BAZ1A: variants seen among roughly 807,000 people sequenced by gnomAD.
The protein encoded by BAZ1A is bromodomain adjacent to zinc finger domain protein 1A.
A neutral mutation model predicts 185.2 loss-of-function variants in BAZ1A; 50 were observed. That is an observed-to-expected ratio of 0.27 (90% CI 0.22 to 0.34). The LOEUF (loss-of-function observed/expected upper bound fraction) is 0.34. Among genes scored for constraint, BAZ1A ranks in the 10% least tolerant of loss-of-function variants. The probability of loss-of-function intolerance (pLI) is 1.00; values close to 1 mark genes in which losing one functional copy is unlikely to be tolerated. For missense variants in BAZ1A, 1,356 were observed against 1,839.9 expected (o/e 0.74, Z 4.81); for synonymous variants, 571 against 615.6 (o/e 0.93, Z 1.07).
At chr14:34,828,981 T>C (rs1043589654) in intron 3 of BAZ1A, among the ~76,000 whole-genome samples, 2 of 152,284 alleles carry the variant, frequency 1.3e-5, no homozygotes, top group African/African-American at 4.8e-5. Flanking sequence ...ATTTTGCTTC[T>C]TGTAAAGACC....
chr14:34,862,776 T>C (rs1431816090), intron 2 of BAZ1A, among the ~76,000 whole-genome samples: 1 of 121,726 alleles, frequency 8.2e-6, no homozygotes, highest in African/African-American at 2.8e-5. Context: ...ATGATCTCAT[T>C]TGTGTTATAA....
chr14:34,774,959 A>C (rs1332927789), intron 18 of BAZ1A, among the ~76,000 whole-genome samples: 3 of 152,238 alleles, frequency 2.0e-5, no homozygotes, highest in Admixed American at 2.0e-4. Context: ...TCATGCCTGT[A>C]ATCCCAGCAC....
chr14:34,784,744 T>A (rs1191502369), intron 14 of BAZ1A, among the ~76,000 whole-genome samples: 3 of 152,042 alleles, frequency 2.0e-5, no homozygotes, highest in Non-Finnish European at 4.4e-5. Flanking sequence ...GGTCTCGATC[T>A]CCTGACCTTC....
intron 21 of BAZ1A, among the ~76,000 whole-genome samples, chr14:34,770,449 A>C (rs1330836045): frequency 1.3e-5 from 2 of 152,212 alleles, no homozygotes; most frequent in African/African-American, 2.4e-5. Context: ...CACCACCCCC[A>C]GCTAAAACAA....
In BAZ1A at chr14:34,862,309, G is replaced by A; in HGVS notation, c.127C>T (p.Arg43Ter). The A allele has an allele frequency of 6.3e-7, 1 of 1,588,970 alleles. No individual in the cohort carries two copies. The highest frequency in any genetic ancestry group is 8.6e-7 in the Non-Finnish European group (1 of 1,169,124). The change falls in exon 3 of 27, where the codon CGA becomes TGA. Residue 43 changes from arginine to a stop codon, truncating the protein, a stop_gained. Transcript: ENST00000360310. LOFTEE classifies it high-confidence loss of function. Reference sequence around the variant, plus strand: ...ACAAGGCTGTTGCACAGAATGGTTCGTTCAAAAAAGTCACTGATTAAAAAA... The same window carrying A: ...ACAAGGCTGTTGCACAGAATGGTTCATTCAAAAAAGTCACTGATTAAAAAA... Reference protein sequence around the residue: ...IFRHYDDFFERTILCNSLVWS... With the variant: ...IFRHYDDFFE
chr14:34,793,018 A>C, intron 11 of BAZ1A, 97 bp from the exon 12 acceptor site: 1 of 1,098,522 alleles, frequency 9.1e-7, no homozygotes, highest in Non-Finnish European at 1.3e-6. Context: ...TAGTATGTGC[A>C]ACTATTTTCT....
chr14:34,780,429 GAC>G (rs1879963006), intron 16 of BAZ1A, 119 bp from the exon 17 acceptor site: 12 of 1,007,820 alleles, frequency 1.2e-5, no homozygotes, highest in Non-Finnish European at 1.4e-5. Flanking sequence ...TGAACAACAT[GAC>G]ACAGTTTTGG....
chr14:34,754,933 A>G lies in BAZ1A; in HGVS notation c.4387-19T>C. On this transcript the variant is annotated intron_variant, in intron 25 of 26. Transcript: ENST00000360310. ...CTGGGACCTGTAAAATAATTCAAATATCTCTGTCCACACAGAAAACTTAAC... is the reference window on the plus strand; with the variant it reads ...CTGGGACCTGTAAAATAATTCAAATGTCTCTGTCCACACAGAAAACTTAAC... 1.9e-6 allele frequency: 3 copies of G among 1,548,290 alleles called. No homozygotes were observed. Among genetic ancestry groups the G allele is most frequent in the Non-Finnish European group, 2.6e-6 (3 of 1,143,692 alleles).
Position 34,764,951 on chromosome 14 carries a change from A to G in BAZ1A, c.3550-18T>C, listed in dbSNP as rs1594813845. 1 of 1,613,836 alleles carries G rather than the reference A, an allele frequency of 6.2e-7. No homozygotes were observed. Among genetic ancestry groups the G allele is most frequent in the East Asian group, 2.2e-5 (1 of 44,872 alleles). On this transcript the variant is annotated intron_variant, in intron 22 of 26. Coordinates refer to ENST00000360310, the MANE Select transcript of BAZ1A (RefSeq NM_013448.3). ...GGCACAGTCTGAAAAAATCACATAA[A>G]TGATCATTAATCATCTATTGCTCAA...
intron 12 of BAZ1A, among the ~76,000 whole-genome samples, chr14:34,788,979 A>T (rs1253920729): frequency 6.6e-6 from 1 of 152,190 alleles, no homozygotes; most frequent in Non-Finnish European, 1.5e-5. Flanking sequence ...CGACAATTTC[A>T]TGGCATTTAA....
intron 17 of BAZ1A, among the ~76,000 whole-genome samples, chr14:34,778,962 C>G (rs1368345770): frequency 2.6e-5 from 4 of 152,198 alleles, no homozygotes; most frequent in Non-Finnish European, 4.4e-5. Flanking sequence ...TCAAGTGACC[C>G]TCCCACCTTA....
chr14:34,814,376 C>A (rs1407114509), intron 4 of BAZ1A, among the ~76,000 whole-genome samples: 1 of 151,810 alleles, frequency 6.6e-6, no homozygotes. Flanking sequence ...AAATAATATA[C>A]TAACAGGAGA....
At chr14:34,855,872 C>T (rs956797826) in intron 3 of BAZ1A, among the ~76,000 whole-genome samples, 3 of 152,112 alleles carry the variant, frequency 2.0e-5, no homozygotes, top group African/African-American at 7.2e-5. Flanking sequence ...CACTGCACTC[C>T]AGCCTTAGTG....
Position 34,764,768 on chromosome 14 carries a change from C to T in BAZ1A, c.3715G>A (p.Glu1239Lys). Residue 1239 changes from glutamate to lysine, a missense_variant, in exon 23 of 27, where the codon GAG (glutamate) becomes AAG (lysine). By Grantham distance (56) the Glu-to-Lys change is moderately conservative. Around this residue, in one of 7 missense-constraint regions of BAZ1A, gnomAD observed 309 missense variants for 355.3 expected, o/e 0.87. Transcript: ENST00000360310. ...VDGDEEEGQS[E>K]EEEYEVEQDE... ...TGTTCTACCTCATACTCTTCCTCCT[C>T]ACTTTGACCTTCTTCTTCATCGCCA... 6.2e-7 allele frequency: 1 copy of T among 1,609,514 alleles called. No individual in the cohort carries two copies. Among genetic ancestry groups the T allele is most frequent in the Non-Finnish European group, 8.5e-7 (1 of 1,175,868 alleles).
intron 2 of BAZ1A, among the ~76,000 whole-genome samples, chr14:34,864,024 T>A (rs1471098547): frequency 1.3e-5 from 2 of 152,042 alleles, no homozygotes; most frequent in African/African-American, 4.8e-5. Context: ...GGTCTCACTA[T>A]GTTGCCCAGG....
intron 25 of BAZ1A, among the ~76,000 whole-genome samples, chr14:34,758,026 T>C (rs939571976): frequency 1.4e-4 from 20 of 147,392 alleles, no homozygotes; most frequent in African/African-American, 2.5e-4. Context: ...GGATTACAGG[T>C]GTGAGCCACA....
intron 4 of BAZ1A, among the ~76,000 whole-genome samples, chr14:34,812,250 G>A (rs1321045556): frequency 1.3e-5 from 2 of 151,790 alleles, no homozygotes; most frequent in Admixed American, 6.6e-5. Flanking sequence ...ACAAAAAAAA[G>A]GGAGCAACTC....
At chr14:34,782,204 T>C (rs1880081311) in intron 16 of BAZ1A, among the ~76,000 whole-genome samples, 2 of 152,258 alleles carry the variant, frequency 1.3e-5, no homozygotes, top group East Asian at 1.9e-4. Flanking sequence ...ATGAGAGTCC[T>C]GATTTCTCAA....
intron 3 of BAZ1A, among the ~76,000 whole-genome samples, chr14:34,852,808 A>G (rs2042617890): frequency 1.3e-5 from 2 of 152,232 alleles, no homozygotes; most frequent in South Asian, 4.1e-4. Context: ...TAAAGCTCAC[A>G]GAGTTTAAAC....
Sources: allele counts gnomAD v4.1 joint callset (sites outside exome capture counted in the v4.1 genomes callset), GRCh38; gene constraint gnomAD v4.1.1; regional missense constraint gnomAD v4.1.1; transcripts MANE v1.5; gene names NCBI Gene and HGNC (gene_info 2026-07-23, HGNC 2026-07-21).